The following PPARGC1A variants were observed in gnomAD, a reference collection of about 807,000 sequenced individuals.
PPARGC1A encodes PPARG coactivator 1 alpha.
In PPARGC1A, 25 loss-of-function variants were observed where a neutral mutation model predicts 88.7. The observed-to-expected ratio is 0.28, with a 90% CI of 0.21 to 0.39. The LOEUF is 0.39. PPARGC1A is among the 10% of genes least tolerant of loss of function. The pLI is 1.00. For synonymous variants in PPARGC1A, 363 were observed against 355.6 expected (o/e 1.02, Z -0.24); for missense variants, 880 against 968.7 (o/e 0.91, Z 1.22).
the PPARGC1A span, among the ~76,000 whole-genome samples, chr4:24,334,428 C>T: frequency 6.6e-6 from 1 of 152,136 alleles, no homozygotes; most frequent in African/African-American, 2.4e-5. Flanking sequence ...TTGTCAGGTA[C>T]TTCGTGAGGA....
chr4:24,289,755 C>T, the PPARGC1A span, among the ~76,000 whole-genome samples: 1 of 152,162 alleles, frequency 6.6e-6, no homozygotes, highest in South Asian at 2.1e-4. Context: ...TGCTAAACTT[C>T]CTGAGGCACT....
the PPARGC1A span, among the ~76,000 whole-genome samples, chr4:23,943,196 G>A: frequency 6.6e-6 from 1 of 152,044 alleles, no homozygotes; most frequent in Admixed American, 6.6e-5. Flanking sequence ...GTCAAAATGG[G>A]ACTTTGACTC....
chr4:23,875,955 T>C (rs1316148309), intron 2 of PPARGC1A: 2 of 152,232 alleles, frequency 1.3e-5, no homozygotes, highest in Non-Finnish European at 2.9e-5. Context: ...ATGTGCTTTT[T>C]TCAACTTTAT....
At chr4:24,050,082 T>G in the PPARGC1A span, among the ~76,000 whole-genome samples, 3 of 152,174 alleles carry the variant, frequency 2.0e-5, no homozygotes, top group African/African-American at 7.2e-5. Context: ...ATTTTATGAA[T>G]CATTTCCTGT....
At chr4:24,072,175 TTAAA>T in the PPARGC1A span, among the ~76,000 whole-genome samples, 51 of 147,764 alleles carry the variant, frequency 3.5e-4, no homozygotes, top group East Asian at 2.7e-3. Context: ...TATTATTAAA[TTAAA>T]TAATTTATAT....
the PPARGC1A span, among the ~76,000 whole-genome samples, chr4:24,151,853 G>A: frequency 6.6e-6 from 1 of 152,280 alleles, no homozygotes; most frequent in South Asian, 2.1e-4. Context: ...ACCCAGCTAA[G>A]TACCTCATAC....
At chr4:23,912,945 C>T in the PPARGC1A span, among the ~76,000 whole-genome samples, 1,762 of 151,030 alleles carry the variant, frequency 0.012, 40 homozygotes, top group South Asian at 0.11. Context: ...CCCACCACCA[C>T]GCCCGGCTAA....
At chr4:23,924,974 C>T in the PPARGC1A span, among the ~76,000 whole-genome samples, 1 of 152,190 alleles carries the variant, frequency 6.6e-6, no homozygotes, top group Non-Finnish European at 1.5e-5. Flanking sequence ...AAGCAACACA[C>T]ATTATCTTTT....
At position 23,830,252 on chromosome 4, in the gene PPARGC1A, G is replaced by C. The variant is rs368096480; in HGVS notation, c.430-667C>G. Reference sequence around the variant, plus strand: ...TCACTGATTTTAGAAAAGAAAAAAAGGATTTGTAAGTAGAGTCCTGGCCTG... The same window carrying C: ...TCACTGATTTTAGAAAAGAAAAAAACGATTTGTAAGTAGAGTCCTGGCCTG... On this transcript the variant is annotated intron_variant, in intron 3 of 12. Transcript: ENST00000264867. Among the ~76,000 whole-genome samples the C allele has an allele frequency of 3.9e-5, 6 of 152,274 alleles. No individual in the cohort carries two copies. In the South Asian group the frequency reaches 1.2e-3, roughly 32 times the overall value.
chr4:24,316,379 G>A, the PPARGC1A span, among the ~76,000 whole-genome samples: 1 of 152,206 alleles, frequency 6.6e-6, no homozygotes, highest in African/African-American at 2.4e-5. Flanking sequence ...TTAGCACAAT[G>A]TCCAAATGCT....
chr4:24,266,100 C>T, the PPARGC1A span, among the ~76,000 whole-genome samples: 11 of 152,236 alleles, frequency 7.2e-5, no homozygotes, highest in East Asian at 1.9e-3. Context: ...AAGAACAGAA[C>T]GTAACGAGAG....
intron 2 of PPARGC1A, among the ~76,000 whole-genome samples, chr4:23,840,670 AT>A (rs780056264): frequency 1.3e-5 from 2 of 152,228 alleles, no homozygotes; most frequent in Middle Eastern, 3.4e-3. Flanking sequence ...TGTGAGACCT[AT>A]TTGATTATTA....
In PPARGC1A at chr4:23,793,512, T is replaced by G. The variant is rs1286620947; in HGVS notation, c.*2310A>C. On this transcript the variant is annotated 3_prime_UTR_variant, in exon 13 of 13. Transcript: ENST00000264867. ...TAGCTGCATTGGCCTGGGGGTGAAATCCATCTTACAAGATCGTGTTGGGCG... is the reference window on the plus strand; with the variant it reads ...TAGCTGCATTGGCCTGGGGGTGAAAGCCATCTTACAAGATCGTGTTGGGCG... The G allele has an allele frequency of 6.6e-6, 1 of 152,372 alleles. No individual in the cohort carries two copies. Among genetic ancestry groups the G allele is most frequent in the Non-Finnish European group, 1.5e-5 (1 of 68,006 alleles). The allele number at this position is 152,372 out of a possible 1,614,324, so 9.4% of individuals were successfully genotyped here.
chr4:23,969,332 G>A, the PPARGC1A span, among the ~76,000 whole-genome samples: 1 of 152,130 alleles, frequency 6.6e-6, no homozygotes, highest in Non-Finnish European at 1.5e-5. Context: ...ATGAGGCCGG[G>A]ATTATCTATG....
At chr4:24,016,125 G>T in the PPARGC1A span, among the ~76,000 whole-genome samples, 1 of 152,198 alleles carries the variant, frequency 6.6e-6, no homozygotes, top group Non-Finnish European at 1.5e-5. Flanking sequence ...TTTAAGCAAG[G>T]AAACAGTTTG....
the PPARGC1A span, among the ~76,000 whole-genome samples, chr4:24,333,386 T>C: frequency 1.3e-5 from 2 of 152,376 alleles, no homozygotes; most frequent in African/African-American, 4.8e-5. Flanking sequence ...CTGAGTTTCA[T>C]GATTCATTCA....
chr4:23,997,782 G>A, the PPARGC1A span, among the ~76,000 whole-genome samples: 44 of 152,130 alleles, frequency 2.9e-4, 1 homozygote, highest in Admixed American at 2.0e-3. Flanking sequence ...GTGAGCCACC[G>A]TGCCTGGCCA....
At chr4:23,929,990 T>C in the PPARGC1A span, among the ~76,000 whole-genome samples, 1 of 152,152 alleles carries the variant, frequency 6.6e-6, no homozygotes, top group African/African-American at 2.4e-5. Flanking sequence ...ACATGGCTGA[T>C]ATTCAACCTC....
At chr4:24,452,678 C>T in the PPARGC1A span, among the ~76,000 whole-genome samples, 2 of 152,154 alleles carry the variant, frequency 1.3e-5, no homozygotes, top group Non-Finnish European at 2.9e-5. Flanking sequence ...TATTCAATCA[C>T]GTGTGGCGTG....
Sources: allele counts gnomAD v4.1 joint callset (sites outside exome capture counted in the v4.1 genomes callset), GRCh38; gene constraint gnomAD v4.1.1; transcripts MANE v1.5; gene names NCBI Gene and HGNC (gene_info 2026-07-23, HGNC 2026-07-21).